Variants in NDUFA10 observed in about 807,000 individuals in gnomAD.
NDUFA10 encodes NADH:ubiquinone oxidoreductase subunit A10, also known as NADH dehydrogenase [ubiquinone] 1 alpha subcomplex subunit 10, mitochondrial.
In NDUFA10, 40 loss-of-function variants were observed where a neutral mutation model predicts 47.8. The observed-to-expected ratio is 0.84, with a 90% CI of 0.65 to 1.09. NDUFA10 has a LOEUF of 1.09. Ranked by LOEUF, NDUFA10 falls within the 50% of genes least tolerant of loss-of-function variation. The pLI is 0.00. For synonymous variants in NDUFA10, 183 were observed against 172.2 expected, an observed-to-expected ratio of 1.06 and a Z score of -0.49; for missense variants, 413 against 451.1, an observed-to-expected ratio of 0.92 and a Z score of 0.76.
At chr2:240,017,699 T>C in intron 4 of NDUFA10, 2 of 791,362 alleles carry the variant, frequency 2.5e-6, no homozygotes, top group South Asian at 3.2e-5. Context: ...GATCAGCCCC[T>C]ATCAGAAGCA....
intron 4 of NDUFA10, among the ~76,000 whole-genome samples, chr2:239,916,351 GAC>G (rs1376296863): frequency 1.3e-5 from 2 of 149,806 alleles, no homozygotes; most frequent in Non-Finnish European, 3.0e-5. Context: ...AACACACACA[GAC>G]ACACATACAC....
At chr2:239,937,195 G>C (rs1436087548) in intron 4 of NDUFA10, among the ~76,000 whole-genome samples, 1 of 152,152 alleles carries the variant, frequency 6.6e-6, no homozygotes, top group African/African-American at 2.4e-5. Flanking sequence ...TTTGCCATCA[G>C]TTTTTAAAAG....
intron 5 of NDUFA10, chr2:239,895,135 C>T: frequency 2.9e-6 from 1 of 347,738 alleles, no homozygotes; most frequent in South Asian, 2.3e-5. Context: ...CACCATCCAT[C>T]ACTGACCCAG....
chr2:239,946,206 C>T (rs1465457586), intron 4 of NDUFA10, among the ~76,000 whole-genome samples: 1 of 152,128 alleles, frequency 6.6e-6, no homozygotes, highest in Admixed American at 6.5e-5. Context: ...GCTCCGTCAC[C>T]CTCCTAGGTG....
chr2:239,981,334 G>A (rs1362467432), intron 9 of NDUFA10, among the ~76,000 whole-genome samples: 18 of 152,200 alleles, frequency 1.2e-4, no homozygotes, highest in African/African-American at 3.9e-4. Flanking sequence ...CACCATGGGT[G>A]AGAAAAAGAA....
intron 4 of NDUFA10, among the ~76,000 whole-genome samples, chr2:239,916,669 AGGTTT>A (rs1693884855): frequency 6.6e-6 from 1 of 152,260 alleles, no homozygotes; most frequent in African/African-American, 2.4e-5. Context: ...AGGCACCAGC[AGGTTT>A]GGTGTCTGCG....
downstream of NDUFA10, among the ~76,000 whole-genome samples, chr2:239,953,745 C>T (rs533223314): frequency 6.6e-6 from 1 of 152,244 alleles, no homozygotes; most frequent in Non-Finnish European, 1.5e-5. Context: ...CAGGCAGAGG[C>T]TTGTCCTTAA....
At chr2:239,968,370 A>G (rs1326041909) in intron 9 of NDUFA10, among the ~76,000 whole-genome samples, 1 of 152,236 alleles carries the variant, frequency 6.6e-6, no homozygotes, top group Admixed American at 6.5e-5. Flanking sequence ...AAGCCCTGAC[A>G]TGGAAAAATG....
At chr2:239,970,402 G>C (rs1165714369) in intron 9 of NDUFA10, among the ~76,000 whole-genome samples, 1 of 152,228 alleles carries the variant, frequency 6.6e-6, no homozygotes, top group African/African-American at 2.4e-5. Context: ...ACTGCTAAAG[G>C]AAGTTATTCA....
At chr2:239,911,282 T>C (rs912712078) in intron 4 of NDUFA10, among the ~76,000 whole-genome samples, 22 of 152,244 alleles carry the variant, frequency 1.4e-4, no homozygotes, top group African/African-American at 5.1e-4. Context: ...CCTAGGCTGC[T>C]GCAGGAAATT....
At chr2:239,961,436 G>C (rs908905451) in intron 9 of NDUFA10, among the ~76,000 whole-genome samples, 13 of 152,186 alleles carry the variant, frequency 8.5e-5, no homozygotes, top group Admixed American at 6.5e-4. Flanking sequence ...ACGAACTACT[G>C]AGTGTTCTCA....
At chr2:239,924,247 A>G (rs977056733) in intron 4 of NDUFA10, among the ~76,000 whole-genome samples, 4 of 152,122 alleles carry the variant, frequency 2.6e-5, no homozygotes, top group African/African-American at 9.7e-5. Flanking sequence ...AAGCACAAAA[A>G]TGAAAAATAT....
chr2:239,918,340 C>G (rs1693912684), intron 4 of NDUFA10, among the ~76,000 whole-genome samples: 1 of 152,208 alleles, frequency 6.6e-6, no homozygotes, highest in Admixed American at 6.5e-5. Flanking sequence ...ACATGCGCCC[C>G]ATCGCCCTTG....
chr2:239,954,208 G>A (rs143536260), downstream of NDUFA10, among the ~76,000 whole-genome samples: 1,234 of 145,616 alleles, frequency 8.5e-3, 28 homozygotes, highest in African/African-American at 0.031. Context: ...CAGGCCAGCT[G>A]AGTGACCACC....
chr2:239,987,745 G>A lies in NDUFA10; in HGVS notation c.999+2329C>T, dbSNP rs1209042020. ...TGGGCAGCCGTGGGGCGAATGCGCAGGCAGAGCTGCCGAGCACAGCTCCGA... is the reference window on the plus strand; with the variant it reads ...TGGGCAGCCGTGGGGCGAATGCGCAAGCAGAGCTGCCGAGCACAGCTCCGA... On this transcript the variant is annotated intron_variant, in intron 9 of 9. Coordinates refer to ENST00000252711, the MANE Select transcript of NDUFA10 (RefSeq NM_004544.4). The surrounding 1 kb of genome is among the most constrained non-coding windows in gnomAD (Gnocchi z 4.8). Among the ~76,000 whole-genome samples the A allele has an allele frequency of 2.6e-5, 4 of 152,230 alleles. No homozygotes were observed.
At chr2:239,988,656 G>C (rs544718018) in intron 9 of NDUFA10, among the ~76,000 whole-genome samples, 4 of 152,160 alleles carry the variant, frequency 2.6e-5, no homozygotes, top group Non-Finnish European at 5.9e-5. Flanking sequence ...TGAAACAGAC[G>C]CAACAGGACC....
downstream of NDUFA10, among the ~76,000 whole-genome samples, chr2:239,954,193 C>T (rs1694609642): frequency 6.8e-6 from 1 of 147,594 alleles, no homozygotes; most frequent in East Asian, 2.0e-4. Flanking sequence ...CTGGGTGCCA[C>T]CTGCCAGGCC....
intron 9 of NDUFA10, among the ~76,000 whole-genome samples, chr2:239,962,210 TACACAC>T (rs59356951): frequency 0.028 from 4,210 of 149,636 alleles, 177 homozygotes; most frequent in African/African-American, 0.097. Flanking sequence ...TCAATTTGTG[TACACAC>T]ACACACACAC....
At chr2:239,923,495 T>G (rs1694021544) in intron 4 of NDUFA10, among the ~76,000 whole-genome samples, 1 of 152,032 alleles carries the variant, frequency 6.6e-6, no homozygotes, top group African/African-American at 2.4e-5. Flanking sequence ...TCAAAGCACT[T>G]GAAAATTAAA....
Sources: gnomAD v4.1 joint callset for allele counts (sites outside exome capture counted in the v4.1 genomes callset) on GRCh38, gnomAD v4.1.1 for gene constraint, Gnocchi (gnomAD v3.1) non-coding constraint, MANE v1.5 for transcripts, NCBI Gene and HGNC (gene_info 2026-07-23, HGNC 2026-07-21) for gene names.